Variants in ERI1 observed in about 807,000 individuals in gnomAD.
ERI1 encodes the protein exoribonuclease 1, also known as 3'-5' exoribonuclease 1.
A neutral mutation model predicts 39.7 loss-of-function variants in ERI1; 39 were observed. The observed-to-expected ratio is 0.98, with a 90% CI of 0.76 to 1.28. The LOEUF is 1.28. Ranked by LOEUF, ERI1 falls within the 50% of genes most tolerant of loss-of-function variation. The pLI is 0.00. For missense variants in ERI1, 581 were observed against 416.9 expected, an observed-to-expected ratio of 1.39 and a Z score of -3.43; for synonymous variants, 204 against 149.6, an observed-to-expected ratio of 1.36 and a Z score of -2.65.
chr8:9,047,365 C>G (rs1007145606), intron 3 of ERI1, among the ~76,000 whole-genome samples: 10 of 152,190 alleles, frequency 6.6e-5, no homozygotes, highest in African/African-American at 2.4e-4. Context: ...CTGCTCACTT[C>G]TGTGGCCACA....
At chr8:9,024,962 CAT>C (rs1818315790) in intron 6 of ERI1, among the ~76,000 whole-genome samples, 1 of 151,956 alleles carries the variant, frequency 6.6e-6, no homozygotes, top group Non-Finnish European at 1.5e-5. Flanking sequence ...CTTGCTTACA[CAT>C]GTAGAAAGTT....
chr8:9,066,053 G>A (rs1798864748), intron 3 of ERI1, among the ~76,000 whole-genome samples: 1 of 152,108 alleles, frequency 6.6e-6, no homozygotes, highest in Admixed American at 6.6e-5. Context: ...TCTGCTTTGC[G>A]ATATCAACAC....
intron 3 of ERI1, among the ~76,000 whole-genome samples, chr8:9,058,356 G>C (rs577841355): frequency 5.7e-4 from 87 of 152,298 alleles, no homozygotes; most frequent in African/African-American, 1.9e-3. Context: ...ACTAATGTCT[G>C]AGCATTTCCA....
At chr8:9,088,208 C>T (rs1303127073) in intron 3 of ERI1, among the ~76,000 whole-genome samples, 2 of 151,844 alleles carry the variant, frequency 1.3e-5, no homozygotes, top group Non-Finnish European at 2.9e-5. Context: ...ATAACACCTT[C>T]TCTTCTCTGC....
rs925619578 is a variant in ERI1, at chr8:9,032,121, G to A, written c.*2087G>A. 3.3e-5 allele frequency: 5 copies of A among 152,112 alleles called. No homozygotes were observed. Among genetic ancestry groups the A allele is most frequent in the Non-Finnish European group, 7.3e-5 (5 of 68,032 alleles). 9.4% of individuals were successfully genotyped at this position (152,112 alleles called of 1,614,324 possible). On this transcript the variant is annotated 3_prime_UTR_variant, in exon 7 of 7. Coordinates refer to ENST00000250263, the MANE Select transcript of ERI1 (RefSeq NM_153332.4). ...CCCCTCCAATTTGATTTGGGATTTT[G>A]CTGATGAGATGATACTAAACATTGA... is the stretch of plus-strand genomic sequence containing the variant.
At chr8:9,097,449 G>T (rs1414891822) in intron 3 of ERI1, among the ~76,000 whole-genome samples, 1 of 152,072 alleles carries the variant, frequency 6.6e-6, no homozygotes, top group Non-Finnish European at 1.5e-5. Context: ...GATCTCCTGA[G>T]TATCACAGGC....
intron 6 of ERI1, among the ~76,000 whole-genome samples, chr8:9,022,790 G>A (rs1245750904): frequency 6.6e-6 from 1 of 152,108 alleles, no homozygotes; most frequent in African/African-American, 2.4e-5. Context: ...ACAGAAATAG[G>A]TATGAGTCCT....
At chr8:9,055,526 C>T (rs1186253970) in intron 3 of ERI1, among the ~76,000 whole-genome samples, 4 of 152,058 alleles carry the variant, frequency 2.6e-5, no homozygotes, top group African/African-American at 4.8e-5. Context: ...TATTTATGGC[C>T]GGCTGATACA....
At chr8:9,093,270 C>T (rs980784909) in intron 3 of ERI1, among the ~76,000 whole-genome samples, 15 of 152,204 alleles carry the variant, frequency 9.9e-5, no homozygotes, top group African/African-American at 3.4e-4. Flanking sequence ...AAAATCTTAA[C>T]GTTTTAAGAA....
At chr8:9,077,521 G>A (rs146372773) in intron 3 of ERI1, among the ~76,000 whole-genome samples, 1 of 152,286 alleles carries the variant, frequency 6.6e-6, no homozygotes, top group Non-Finnish European at 1.5e-5. Flanking sequence ...AAAAAATAGG[G>A]GCTGGGGGCT....
intron 3 of ERI1, among the ~76,000 whole-genome samples, chr8:9,045,941 A>G (rs887169246): frequency 1.3e-5 from 2 of 152,050 alleles, no homozygotes; most frequent in African/African-American, 4.8e-5. Context: ...AGCCTCCCAA[A>G]GTGTTAAGAT....
At chr8:9,009,805 T>G (rs749521720) in intron 2 of ERI1, among the ~76,000 whole-genome samples, 42 of 152,324 alleles carry the variant, frequency 2.8e-4, no homozygotes, top group South Asian at 1.9e-3. Flanking sequence ...GTGCTGAGAT[T>G]ATAGACGTGA....
intron 4 of ERI1, among the ~76,000 whole-genome samples, 170 bp from the exon 5 acceptor site, chr8:9,018,127 G>C (rs999667971): frequency 2.0e-5 from 3 of 152,152 alleles, no homozygotes; most frequent in East Asian, 3.9e-4. Context: ...GAAATTTTTA[G>C]AATTTCTTAA....
intron 6 of ERI1, among the ~76,000 whole-genome samples, chr8:9,025,846 T>C (rs527415131): frequency 1.3e-5 from 2 of 152,242 alleles, no homozygotes; most frequent in African/African-American, 4.8e-5. Context: ...CATAATGAGA[T>C]ACCTTAGAGA....
chr8:9,079,354 T>G (rs768091009), intron 3 of ERI1, among the ~76,000 whole-genome samples: 2 of 152,208 alleles, frequency 1.3e-5, no homozygotes, highest in Non-Finnish European at 2.9e-5. Context: ...TAACATGAGT[T>G]CAGCTATAGA....
At chr8:9,033,572 T>TGCA (rs1797734546), downstream of ERI1, among the ~76,000 whole-genome samples, 1 of 33,264 alleles carries the variant, frequency 3.0e-5, no homozygotes, top group Non-Finnish European at 9.3e-5. Flanking sequence ...AATGTTAAGG[T>TGCA]ACAATGATAC....
At chr8:9,089,535 C>T (rs1049773054) in intron 3 of ERI1, among the ~76,000 whole-genome samples, 1 of 152,146 alleles carries the variant, frequency 6.6e-6, no homozygotes, top group African/African-American at 2.4e-5. Context: ...ATGCAAACTT[C>T]AGAGGGAAGA....
In ERI1 at chr8:9,063,396, T is replaced by A. The variant is rs538510070; in HGVS notation, n.299+42932T>A. 2.3e-4 allele frequency among the ~76,000 whole-genome samples: 35 copies of A among 151,842 alleles called. 1 individual carries two copies. The South Asian group carries it at 7.1e-3, about 31-fold the overall frequency. The stretch of plus-strand genomic sequence containing the variant: ...TTTTAAGAGGAAATTGCTGGGCAGG[T>A]GGGGGAGGGCTAGTCATGGAATGAA... On this transcript the variant is annotated intron_variant and non_coding_transcript_variant, in intron 3 of 3. Transcript: ENST00000518663.
Position 9,072,865 on chromosome 8 carries a change from T to C in ERI1, n.300-43483T>C, listed in dbSNP as rs540062701. On this transcript the variant is annotated intron_variant and non_coding_transcript_variant, in intron 3 of 3. Transcript: ENST00000518663. Reference sequence around the variant, plus strand: ...AGTGTGCTCGGGTGAACTGCAAGTCTTGACTTAGTCTTGAGGACCTCCTCA... The same window carrying C: ...AGTGTGCTCGGGTGAACTGCAAGTCCTGACTTAGTCTTGAGGACCTCCTCA... Among the ~76,000 whole-genome samples the C allele has an allele frequency of 5.9e-5, 9 of 152,330 alleles. No individual in the cohort carries two copies. The South Asian group carries it at 1.9e-3, about 32-fold the overall frequency.
Sources: allele counts gnomAD v4.1 joint callset (sites outside exome capture counted in the v4.1 genomes callset), GRCh38; gene constraint gnomAD v4.1.1; transcripts MANE v1.5; gene names NCBI Gene and HGNC (gene_info 2026-07-23, HGNC 2026-07-21).